Variants in FGD3 observed in about 807,000 individuals in gnomAD.
FGD3 encodes FYVE, RhoGEF and PH domain containing 3, also known as FYVE, RhoGEF and PH domain-containing protein 3.
Under a neutral mutation model 71.8 loss-of-function variants are expected in FGD3, and 45 were observed. The ratio of observed to expected loss-of-function variants is 0.63; its 90% CI spans 0.49 to 0.80. FGD3 has a LOEUF of 0.80. FGD3 is among the 30% of genes least tolerant of loss of function. The pLI, the probability that FGD3 is intolerant of heterozygous loss-of-function variation, is 0.00. For missense variants in FGD3, 844 were observed against 951.5 expected (o/e 0.89, Z 1.49); for synonymous variants, 378 against 392.8 (o/e 0.96, Z 0.44).
chr9:93,028,637 G>A (rs957729903), intron 14 of FGD3, among the ~76,000 whole-genome samples: 2 of 152,180 alleles, frequency 1.3e-5, no homozygotes, highest in African/African-American at 2.4e-5. Context: ...ATTGTAACAG[G>A]AAACGGTAAT....
intron 3 of FGD3, among the ~76,000 whole-genome samples, chr9:92,980,515 CTCTTT>C (rs1859946940): frequency 1.3e-5 from 2 of 151,534 alleles, no homozygotes; most frequent in Non-Finnish European, 2.9e-5. Flanking sequence ...GTTTACTCTT[CTCTTT>C]TGAGTTTCTT....
At chr9:92,957,677 C>CT (rs60726578) in intron 1 of FGD3, among the ~76,000 whole-genome samples, 3,199 of 102,192 alleles carry the variant, frequency 0.031, 80 homozygotes, top group African/African-American at 0.059. Context: ...ATTTTCTTTT[C>CT]TTTTTTTTTT....
intron 3 of FGD3, among the ~76,000 whole-genome samples, chr9:92,982,917 C>T (rs535586969): frequency 1.2e-4 from 18 of 151,980 alleles, no homozygotes; most frequent in Non-Finnish European, 2.2e-4. Flanking sequence ...CAAACCCTGT[C>T]TCTACTAAAA....
intron 1 of FGD3, among the ~76,000 whole-genome samples, chr9:92,952,299 C>T (rs1303023787): frequency 3.4e-5 from 5 of 149,176 alleles, no homozygotes; most frequent in Admixed American, 6.7e-5. Flanking sequence ...TGCAGTGGCA[C>T]GATCTCGGCT....
intron 14 of FGD3, among the ~76,000 whole-genome samples, chr9:93,027,711 CTTTCTTTTTTT>C (rs1323129777): frequency 7.8e-5 from 9 of 115,872 alleles, no homozygotes; most frequent in South Asian, 3.0e-4. Flanking sequence ...CTTTTTCTTT[CTTTCTTTTTTT>C]TTTTTTTTTT....
At chr9:93,012,277 C>G (rs1861440264) in intron 8 of FGD3, among the ~76,000 whole-genome samples, 1 of 151,992 alleles carries the variant, frequency 6.6e-6, no homozygotes, top group African/African-American at 2.4e-5. Flanking sequence ...TATACAAATC[C>G]AAGTCTTTTC....
intron 10 of FGD3, 79 bp from the exon 11 acceptor site, chr9:93,018,057 C>T: frequency 7.2e-7 from 1 of 1,390,792 alleles, no homozygotes; most frequent in Non-Finnish European, 1.0e-6. Context: ...TGGGGAAACA[C>T]TTCTAAGTCA....
chr9:93,007,446 T>C (rs1861112991), intron 6 of FGD3, among the ~76,000 whole-genome samples: 1 of 152,168 alleles, frequency 6.6e-6, no homozygotes, highest in South Asian at 2.1e-4. Flanking sequence ...GTAAAGCTTA[T>C]TTTCAAATGC....
intron 7 of FGD3, 63 bp from the exon 8 acceptor site, chr9:93,011,151 C>A (rs1367427764): frequency 6.5e-7 from 1 of 1,536,356 alleles, no homozygotes; most frequent in South Asian, 1.1e-5. Context: ...GCCCTGGAGC[C>A]CCTCAGGCAA....
intron 3 of FGD3, among the ~76,000 whole-genome samples, chr9:92,995,225 C>T (rs1215444096): frequency 9.9e-5 from 15 of 151,284 alleles, no homozygotes; most frequent in African/African-American, 2.2e-4. Context: ...TATTTTATTC[C>T]CTTTGAAGCA....
At chr9:93,022,570 T>C (rs12380291) in intron 14 of FGD3, among the ~76,000 whole-genome samples, 181 bp downstream of exon 14, 10,465 of 152,060 alleles carry the variant, frequency 0.069, 585 homozygotes, top group African/African-American at 0.15. Flanking sequence ...GAGGTGAAGC[T>C]ATGTCTGAGT....
chr9:92,989,837 C>G (rs569968380), intron 3 of FGD3, among the ~76,000 whole-genome samples: 1 of 151,284 alleles, frequency 6.6e-6, no homozygotes, highest in South Asian at 2.1e-4. Flanking sequence ...TCTTGCATGA[C>G]TCAGCTTTCA....
At chr9:92,977,166 G>C (rs1401147133) in intron 3 of FGD3, among the ~76,000 whole-genome samples, 1 of 152,218 alleles carries the variant, frequency 6.6e-6, no homozygotes, top group African/African-American at 2.4e-5. Context: ...ATGGGGTGTG[G>C]CACAGGCTGG....
intron 13 of FGD3, 52 bp from the exon 14 acceptor site, chr9:93,022,275 T>C (rs1017484249): frequency 6.4e-7 from 1 of 1,569,354 alleles, no homozygotes; most frequent in Non-Finnish European, 8.7e-7. Flanking sequence ...CGCTGCACAG[T>C]GGCTGCGTGG....
chr9:93,013,365 G>A (rs887073982), intron 8 of FGD3, among the ~76,000 whole-genome samples: 1 of 152,314 alleles, frequency 6.6e-6, no homozygotes, highest in South Asian at 2.1e-4. Flanking sequence ...CTACACTGGC[G>A]TCTGGCTCAG....
chr9:92,951,202 A>G (rs1245358885), intron 1 of FGD3, among the ~76,000 whole-genome samples: 1 of 152,212 alleles, frequency 6.6e-6, no homozygotes, highest in Non-Finnish European at 1.5e-5. Flanking sequence ...TGCTTGTTGA[A>G]TGAATACATG....
rs748096509 is a variant in FGD3, at chr9:93,034,649, C to G, written c.1894C>G (p.Pro632Ala). Reference sequence around the variant, plus strand: ...GTGGGCCGCCATCCCCATGTCAGATCCCCAGGTGCTGCACCTGCAGGGAGG... The same window carrying G: ...GTGGGCCGCCATCCCCATGTCAGATGCCCAGGTGCTGCACCTGCAGGGAGG... ...EVWAAIPMSDPQVLHLQGGSQ... is the reference protein window; with the variant it reads ...EVWAAIPMSDAQVLHLQGGSQ... The change falls in exon 17 of 18, where the codon CCC (proline) becomes GCC (alanine). Residue 632 changes from proline (P) to alanine (A), a missense_variant. By Grantham distance (27) the Pro-to-Ala change is conservative. Coordinates refer to ENST00000375482, the MANE Select transcript of FGD3 (RefSeq NM_001083536.2). The G allele has an allele frequency of 6.2e-7, 1 of 1,613,340 alleles. No individual in the cohort carries two copies. Among genetic ancestry groups the G allele is most frequent in the East Asian group, 2.2e-5 (1 of 44,870 alleles).
chr9:92,995,654 T>C (rs548311525), intron 3 of FGD3, among the ~76,000 whole-genome samples: 86 of 152,348 alleles, frequency 5.6e-4, no homozygotes, highest in African/African-American at 2.0e-3. Context: ...GTCCCATCAA[T>C]ATCTAGTTTA....
chr9:92,950,544 T>C (rs1409459807), intron 1 of FGD3, among the ~76,000 whole-genome samples: 1 of 152,152 alleles, frequency 6.6e-6, no homozygotes, highest in Non-Finnish European at 1.5e-5. Flanking sequence ...CCCACGCAGC[T>C]TGGCAGTCCT....
Sources: allele counts gnomAD v4.1 joint callset (sites outside exome capture counted in the v4.1 genomes callset), GRCh38; gene constraint gnomAD v4.1.1; transcripts MANE v1.5; gene names NCBI Gene and HGNC (gene_info 2026-07-23, HGNC 2026-07-21).